Variants in DICER1 observed in about 807,000 individuals in gnomAD.
DICER1 encodes the protein endoribonuclease Dicer.
Under a neutral mutation model 194.1 loss-of-function variants are expected in DICER1, and 43 were observed. The ratio of observed to expected loss-of-function variants is 0.22; its 90% CI spans 0.17 to 0.29. The LOEUF (loss-of-function observed/expected upper bound fraction) is 0.29, where lower values mean the gene tolerates loss of function less well. Among genes scored for constraint, DICER1 ranks in the 10% least tolerant of loss-of-function variants. DICER1 has a pLI of 1.00. For missense variants in DICER1, 1,608 were observed against 2,317.0 expected, an observed-to-expected ratio of 0.69 and a Z score of 6.28; for synonymous variants, 832 against 820.5, an observed-to-expected ratio of 1.01 and a Z score of -0.24.
intron 21 of DICER1, among the ~76,000 whole-genome samples, chr14:95,101,633 C>T: frequency 6.6e-6 from 1 of 152,178 alleles, no homozygotes; most frequent in East Asian, 1.9e-4. Flanking sequence ...GCCACTGCCC[C>T]CAAGTTGCCA....
intron 8 of DICER1, among the ~76,000 whole-genome samples, chr14:95,118,227 C>T (rs550972833): frequency 6.6e-6 from 1 of 152,322 alleles, no homozygotes; most frequent in South Asian, 2.1e-4. Context: ...CCCTACTGTG[C>T]TTATACAGAA....
At chr14:95,109,077 A>G (rs4513027) in intron 14 of DICER1, among the ~76,000 whole-genome samples, 65,794 of 152,052 alleles carry the variant, frequency 0.43, 16,202 homozygotes, top group African/African-American at 0.69. Context: ...GTATGTGTGT[A>G]TCTGTGTTTG....
At chr14:95,102,096 A>T in intron 21 of DICER1, among the ~76,000 whole-genome samples, 1 of 152,188 alleles carries the variant, frequency 6.6e-6, no homozygotes, top group East Asian at 1.9e-4. Context: ...ATATGTGTAT[A>T]TATGTGGGTG....
intron 14 of DICER1, among the ~76,000 whole-genome samples, chr14:95,109,952 A>G (rs1232471665): frequency 6.6e-6 from 1 of 152,204 alleles, no homozygotes; most frequent in Non-Finnish European, 1.5e-5. Flanking sequence ...TTTATATCTT[A>G]AACTATCATA....
intron 8 of DICER1, among the ~76,000 whole-genome samples, chr14:95,123,549 A>G (rs942129225): frequency 2.0e-5 from 3 of 152,134 alleles, no homozygotes; most frequent in Non-Finnish European, 2.9e-5. Context: ...CAGCCTCCCA[A>G]GTAGCTGGGA....
At chr14:95,153,483 A>G (rs1895648216) in intron 1 of DICER1, among the ~76,000 whole-genome samples, 1 of 152,196 alleles carries the variant, frequency 6.6e-6, no homozygotes, top group African/African-American at 2.4e-5. Context: ...ATGTTTCTCT[A>G]TCGTTTGTAA....
At chr14:95,132,363 G>C in intron 3 of DICER1, 152 bp downstream of exon 3, 1 of 835,358 alleles carries the variant, frequency 1.2e-6, no homozygotes, top group African/African-American at 1.7e-5. Flanking sequence ...AAAGAAATAG[G>C]ACAAAACAAT....
chr14:95,126,680 T>C lies in DICER1; in HGVS notation c.803A>G (p.Glu268Gly), dbSNP rs774554682. The change falls in exon 7 of 27, where the codon GAA becomes GGA. Residue 268 changes from glutamate to glycine, a missense_variant. By Grantham distance (98) the Glu-to-Gly change is moderately conservative. Around this residue, in one of 10 missense-constraint regions of DICER1, gnomAD observed 657 missense variants for 910.1 expected, o/e 0.72. Coordinates refer to ENST00000343455, the MANE Select transcript of DICER1 (RefSeq NM_177438.3). The stretch of plus-strand genomic sequence containing the variant: ...TTCTTCTAATTCCATCAGCAGTCTT[T>C]CATAAAGCCCACTTCTGTCAGTAAA... ...GPFTDRSGLY[E>G]RLLMELEEAL... 21 of 1,604,314 alleles carry C rather than the reference T, an allele frequency of 1.3e-5. No homozygotes were observed. The highest frequency in any genetic ancestry group is 1.6e-5 in the Non-Finnish European group (19 of 1,171,330).
Position 95,088,356 on chromosome 14 carries a change from C to G in DICER1, c.*2142G>C, listed in dbSNP as rs752074297. ...TTGGTGCCAGGAATCAAGAGAATCC[C>G]GTAACACTGGGATCAATGTATTAGA... On this transcript the variant is annotated 3_prime_UTR_variant, in exon 27 of 27. Transcript: ENST00000343455. The G allele has an allele frequency of 2.6e-5, 6 of 231,948 alleles. No individual in the cohort carries two copies. The highest frequency in any genetic ancestry group is 1.7e-4 in the Admixed American group (3 of 17,720). The allele number at this position is 231,948 out of a possible 1,614,324, so 14.4% of individuals were successfully genotyped here.
rs1566811476 is a variant in DICER1, at chr14:95,130,058, C to T, written c.573G>A (p.Lys191=). 5 of 1,612,714 alleles carry T rather than the reference C, an allele frequency of 3.1e-6. No homozygotes were observed. Among genetic ancestry groups the T allele is most frequent in the Non-Finnish European group, 3.4e-6 (4 of 1,179,438 alleles). The change falls in exon 5 of 27, where the codon AAG becomes AAA. Residue 191 remains lysine (K), a splice_region_variant and synonymous_variant. Transcript: ENST00000343455. ...ILDHPYREIM[K]LCENCPSCPR... is the part of the protein sequence containing the mutation. ...ACTAAGACTTAGGTCTAAAACTTAC[C>T]TTCATAATTTCTCGATAGGGGTGGT...
rs911674521 is a variant in DICER1, at chr14:95,086,237, G to A, written c.*4261C>T. On this transcript the variant is annotated 3_prime_UTR_variant, in exon 27 of 27. Coordinates refer to ENST00000343455, the MANE Select transcript of DICER1 (RefSeq NM_177438.3). Reference sequence around the variant, plus strand: ...ATGAAAGGACACAAAGTGAACAGACGATAACTTTATTGGAGATTTACTTGG... The same window carrying A: ...ATGAAAGGACACAAAGTGAACAGACAATAACTTTATTGGAGATTTACTTGG... The A allele has an allele frequency of 4.3e-5, 10 of 231,398 alleles. No individual in the cohort carries two copies. In the Admixed American group the frequency reaches 5.1e-4, roughly 12 times the overall value. The allele number at this position is 231,398 out of a possible 1,614,324, so 14.3% of individuals were successfully genotyped here.
At position 95,108,230 on chromosome 14, in the gene DICER1, T is replaced by A. The variant is rs1480480851; in HGVS notation, c.2436+94A>T. Reference sequence around the variant, plus strand: ...CTCGATCTTTAAATATTAAACATACTGAGGTAACAAAAGGTACTTACTACT... The same window carrying A: ...CTCGATCTTTAAATATTAAACATACAGAGGTAACAAAAGGTACTTACTACT... On this transcript the variant is annotated intron_variant, in intron 15 of 26. Coordinates refer to ENST00000343455, the MANE Select transcript of DICER1 (RefSeq NM_177438.3). The A allele has an allele frequency of 3.1e-5, 42 of 1,338,166 alleles. No homozygotes were observed. The East Asian group carries it at 5.7e-4, about 18-fold the overall frequency. 82.9% of individuals were successfully genotyped at this position (1,338,166 alleles called of 1,614,324 possible).
chr14:95,107,544 C>T lies in DICER1; in HGVS notation c.2804+64G>A, dbSNP rs1211161413. The T allele has an allele frequency of 3.2e-6, 5 of 1,570,830 alleles. No individual in the cohort carries two copies. In the African/African-American group the frequency reaches 6.8e-5, roughly 21 times the overall value. Reference sequence around the variant, plus strand: ...GGACTGCAGGCGTGAGCCACCGTGCCCGACCTAGTGCATCTTTTAAAACAA... The same window carrying T: ...GGACTGCAGGCGTGAGCCACCGTGCTCGACCTAGTGCATCTTTTAAAACAA... On this transcript the variant is annotated intron_variant, in intron 17 of 26. Coordinates refer to ENST00000343455, the MANE Select transcript of DICER1 (RefSeq NM_177438.3).
At position 95,087,854 on chromosome 14, in the gene DICER1, G is replaced by A. The variant is rs145757043; in HGVS notation, c.*2644C>T. On this transcript the variant is annotated 3_prime_UTR_variant, in exon 27 of 27. Transcript: ENST00000343455. ...CTGGTAGGTTTTCCATATTACATTC[G>A]GTCTCACATTGCAATCACAGGAACA... is the stretch of plus-strand genomic sequence containing the variant. The A allele has an allele frequency of 8.6e-6, 2 of 232,864 alleles. No individual in the cohort carries two copies. The highest frequency in any genetic ancestry group is 4.4e-5 in the African/African-American group (2 of 45,238). 14.4% of individuals were successfully genotyped at this position (232,864 alleles called of 1,614,324 possible).
intron 2 of DICER1, 152 bp downstream of exon 2, chr14:95,133,163 A>T (rs1595468043): frequency 1.3e-6 from 1 of 768,590 alleles, no homozygotes; most frequent in Non-Finnish European, 2.2e-6. Context: ...AAAGAAAAGG[A>T]CTATTAAGAA....
chr14:95,105,992 G>GT lies in DICER1; in HGVS notation c.2987+48dup. 1 of 1,589,224 alleles carries GT rather than the reference G, an allele frequency of 6.3e-7. No homozygotes were observed. Among genetic ancestry groups the GT allele is most frequent in the Non-Finnish European group, 8.6e-7 (1 of 1,157,464 alleles). On this transcript the variant is annotated intron_variant, in intron 18 of 26. Transcript: ENST00000343455. The surrounding 1 kb of genome is among the most constrained non-coding windows in gnomAD (Gnocchi z 4.9). ...ACCTCTGCATGTCTAGTGATGTCTGGTAAGAATCCCTCAAGTGCAATCCAA... is the reference window on the plus strand; with the variant it reads ...ACCTCTGCATGTCTAGTGATGTCTGGTTAAGAATCCCTCAAGTGCAATCCAA...
In DICER1 at chr14:95,143,138, C is replaced by T. The variant is rs141586662; in HGVS notation, c.-45-9635G>A. On this transcript the variant is annotated intron_variant, in intron 1 of 26. Transcript: ENST00000343455. ...TGACATTAAAACAGTATAAGCAATA[C>T]TCATGGTAAGCTAACAGAGAAAACT... Among the ~76,000 whole-genome samples, 939 of 152,218 alleles carry T rather than the reference C, an allele frequency of 6.2e-3. 9 individuals carry two copies. Among genetic ancestry groups the T allele is most frequent in the African/African-American group, 0.021 (890 of 41,530 alleles).
rs369189695 is a variant in DICER1, at chr14:95,126,744, T to C, written c.739A>G (p.Thr247Ala). 6 of 1,604,170 alleles carry C rather than the reference T, an allele frequency of 3.7e-6. No individual in the cohort carries two copies. The highest frequency in any genetic ancestry group is 4.3e-6 in the Non-Finnish European group (5 of 1,173,762). The change falls in exon 7 of 27, where the codon ACT becomes GCT. Residue 247 changes from threonine to alanine, a missense_variant. Physicochemically the swap from Thr to Ala is moderately conservative, Grantham distance 58. Around this residue, in one of 10 missense-constraint regions of DICER1, gnomAD observed 657 missense variants for 910.1 expected, o/e 0.72. Transcript: ENST00000343455. Reference protein sequence around the residue: ...ATDLVVLDRYTSQPCEIVVDC... With the variant: ...ATDLVVLDRYASQPCEIVVDC... Reference sequence around the variant, plus strand: ...ACCACAATCTCACATGGCTGAGAAGTATACCTTTAACATAAGAAACAAAAG... The same window carrying C: ...ACCACAATCTCACATGGCTGAGAAGCATACCTTTAACATAAGAAACAAAAG...
intron 1 of DICER1, among the ~76,000 whole-genome samples, chr14:95,154,594 T>C (rs370090605): frequency 1.8e-4 from 27 of 152,252 alleles, no homozygotes; most frequent in East Asian, 1.5e-3. Flanking sequence ...CTGGGTAAAA[T>C]AAGCCAGACA....
Sources: gnomAD v4.1 joint callset for allele counts (sites outside exome capture counted in the v4.1 genomes callset) on GRCh38, gnomAD v4.1.1 for gene constraint, gnomAD v4.1.1 regional missense constraint, Gnocchi (gnomAD v3.1) non-coding constraint, MANE v1.5 for transcripts, NCBI Gene and HGNC (gene_info 2026-07-23, HGNC 2026-07-21) for gene names.